DIAPH3: variants seen among roughly 807,000 people sequenced by gnomAD.
DIAPH3 encodes protein diaphanous homolog 3.
A neutral mutation model predicts 144.3 loss-of-function variants in DIAPH3; 117 were observed. The observed-to-expected ratio is 0.81, with a 90% CI of 0.70 to 0.95. The LOEUF is 0.95. Ranked by LOEUF, DIAPH3 falls within the 40% of genes least tolerant of loss-of-function variation. The pLI is 0.00. For synonymous variants in DIAPH3, 519 were observed against 488.9 expected, an observed-to-expected ratio of 1.06 and a Z score of -0.81; for missense variants, 1,421 against 1,412.7, an observed-to-expected ratio of 1.01 and a Z score of -0.09.
intron 27 of DIAPH3, among the ~76,000 whole-genome samples, chr13:59,752,171 T>C (rs2037040318): frequency 6.6e-6 from 1 of 152,210 alleles, no homozygotes; most frequent in African/African-American, 2.4e-5. Flanking sequence ...TTTGCATGGC[T>C]TGTTTAATTT....
chr13:59,766,970 T>C (rs1273627234), intron 27 of DIAPH3, among the ~76,000 whole-genome samples: 1 of 152,158 alleles, frequency 6.6e-6, no homozygotes, highest in Non-Finnish European at 1.5e-5. Flanking sequence ...TCTGAACATG[T>C]GGCTTTGGTG....
rs1336925863 is a variant in DIAPH3 at position 60,112,007 on chromosome 13, T to C, written c.390+3A>G. ...ACATTTCCTAAAGAATCAAAATTCT[T>C]ACCATCATTTTTTCAAAAAGTTCTA... On this transcript the variant is annotated splice_donor_region_variant and intron_variant, in intron 3 of 27. Transcript: ENST00000400324. The C allele has an allele frequency of 1.2e-6, 2 of 1,613,902 alleles. No individual in the cohort carries two copies. Among genetic ancestry groups the C allele is most frequent in the East Asian group, 4.5e-5 (2 of 44,858 alleles).
chr13:59,814,966 C>T (rs749865547), intron 24 of DIAPH3, among the ~76,000 whole-genome samples: 124 of 152,312 alleles, frequency 8.1e-4, no homozygotes, highest in Middle Eastern at 6.8e-3. Flanking sequence ...GCTTATTTCA[C>T]TTAATATAAT....
chr13:59,984,513 T>A (rs1291444091), intron 12 of DIAPH3, among the ~76,000 whole-genome samples: 4 of 151,796 alleles, frequency 2.6e-5, no homozygotes, highest in Admixed American at 2.6e-4. Flanking sequence ...CCATCTACAC[T>A]GGTCATAGGT....
At chr13:59,717,306 A>G (rs1477807585) in intron 27 of DIAPH3, among the ~76,000 whole-genome samples, 1 of 152,226 alleles carries the variant, frequency 6.6e-6, no homozygotes, top group East Asian at 1.9e-4. Context: ...CTTTTTCCGT[A>G]CTTTAAGTAT....
At chr13:59,775,388 GCC>G (rs2038355582) in intron 25 of DIAPH3, among the ~76,000 whole-genome samples, 2 of 151,910 alleles carry the variant, frequency 1.3e-5, no homozygotes, top group Non-Finnish European at 2.9e-5. Flanking sequence ...GACTACAGGC[GCC>G]TGCCACCACG....
In DIAPH3 at chr13:59,666,357, C is replaced by CCA; in HGVS notation, c.*226_*227insTG. The CCA allele has an allele frequency of 3.3e-6, 1 of 300,610 alleles. No homozygotes were observed. Among genetic ancestry groups the CCA allele is most frequent in the South Asian group, 4.8e-5 (1 of 21,010 alleles). The allele number at this position is 300,610 out of a possible 1,614,324, so 18.6% of individuals were successfully genotyped here. On this transcript the variant is annotated 3_prime_UTR_variant, in exon 28 of 28. Coordinates refer to ENST00000400324, the MANE Select transcript of DIAPH3 (RefSeq NM_001042517.2). ...TAAAGAACTGAGGAATACCAGGAGA[C>CCA]AAAAAAAAAAAAAAAAGGATTAAAG...
At chr13:59,820,971 T>C (rs1277683703) in intron 24 of DIAPH3, among the ~76,000 whole-genome samples, 1 of 151,894 alleles carries the variant, frequency 6.6e-6, no homozygotes, top group East Asian at 1.9e-4. Flanking sequence ...CTGTATATTT[T>C]TGCGACATAG....
intron 3 of DIAPH3, among the ~76,000 whole-genome samples, chr13:60,099,456 T>C (rs2058201902): frequency 6.6e-6 from 1 of 152,310 alleles, no homozygotes; most frequent in Non-Finnish European, 1.5e-5. Context: ...GTACAGTCAG[T>C]TGTTCAGCCT....
chr13:59,954,681 C>A (rs898028767), intron 17 of DIAPH3, among the ~76,000 whole-genome samples: 1 of 152,094 alleles, frequency 6.6e-6, no homozygotes, highest in Non-Finnish European at 1.5e-5. Flanking sequence ...ACTCATAGTT[C>A]CATAGGCTGT....
chr13:59,842,311 GCA>G (rs1004026869), intron 22 of DIAPH3, among the ~76,000 whole-genome samples: 14 of 151,958 alleles, frequency 9.2e-5, no homozygotes, highest in African/African-American at 3.4e-4. Context: ...ATTTTATTAT[GCA>G]CACATGTCAA....
intron 27 of DIAPH3, among the ~76,000 whole-genome samples, chr13:59,711,437 TTC>T (rs2034732189): frequency 6.6e-6 from 1 of 152,120 alleles, no homozygotes; most frequent in Non-Finnish European, 1.5e-5. Flanking sequence ...ACTCAATGAC[TTC>T]TTTTGTTATT....
chr13:59,864,083 A>C (rs765410238), intron 21 of DIAPH3, among the ~76,000 whole-genome samples: 2 of 152,092 alleles, frequency 1.3e-5, no homozygotes, highest in African/African-American at 4.8e-5. Context: ...ATGTAGTAAT[A>C]ATCTCATTTC....
At chr13:59,748,658 C>A (rs925635173) in intron 27 of DIAPH3, among the ~76,000 whole-genome samples, 4 of 152,178 alleles carry the variant, frequency 2.6e-5, no homozygotes, top group African/African-American at 9.7e-5. Context: ...ATCCATTTTT[C>A]TTCAATCAGC....
At chr13:59,774,114 A>C in intron 27 of DIAPH3, 75 bp downstream of exon 27, 2 of 1,385,634 alleles carry the variant, frequency 1.4e-6, no homozygotes, top group Non-Finnish European at 2.0e-6. Context: ...ATTTCACAGC[A>C]GTCTACTAAA....
chr13:59,752,042 T>C (rs954221299), intron 27 of DIAPH3, among the ~76,000 whole-genome samples: 1 of 152,212 alleles, frequency 6.6e-6, no homozygotes, highest in African/African-American at 2.4e-5. Context: ...TGGTCTAAAA[T>C]TTTCAAAACT....
intron 1 of DIAPH3, among the ~76,000 whole-genome samples, chr13:60,162,696 T>C (rs1952349165): frequency 6.6e-6 from 1 of 152,160 alleles, no homozygotes; most frequent in Non-Finnish European, 1.5e-5. Context: ...AGTTAGCAAC[T>C]GGTTCACAAA....
chr13:60,003,446 T>C (rs1024420270), intron 9 of DIAPH3, among the ~76,000 whole-genome samples: 10 of 151,832 alleles, frequency 6.6e-5, no homozygotes, highest in Admixed American at 5.9e-4. Flanking sequence ...AAAAAAGTAA[T>C]GTATGCTTAT....
chr13:60,068,334 T>A (rs1286412382), intron 4 of DIAPH3, among the ~76,000 whole-genome samples: 1 of 152,214 alleles, frequency 6.6e-6, no homozygotes, highest in Non-Finnish European at 1.5e-5. Flanking sequence ...CAGCCATGTA[T>A]GAAGGTATTT....
Sources: gnomAD v4.1 joint callset for allele counts (sites outside exome capture counted in the v4.1 genomes callset) on GRCh38, gnomAD v4.1.1 for gene constraint, MANE v1.5 for transcripts, NCBI Gene and HGNC (gene_info 2026-07-23, HGNC 2026-07-21) for gene names.